Variants in HEMK2 observed in about 807,000 individuals in gnomAD.
HEMK2 encodes methyltransferase HEMK2.
the HEMK2 span, among the ~76,000 whole-genome samples, chr21:28,612,583 A>G: frequency 5.9e-5 from 9 of 152,304 alleles, no homozygotes; most frequent in African/African-American, 2.2e-4. Context: ...TCCTAGCCAG[A>G]GCAATCAGAC....
the HEMK2 span, among the ~76,000 whole-genome samples, chr21:28,721,099 T>C: frequency 1.3e-5 from 2 of 152,260 alleles, no homozygotes; most frequent in African/African-American, 4.8e-5. Context: ...CACAGTATGA[T>C]AAAAATAATG....
the HEMK2 span, among the ~76,000 whole-genome samples, chr21:28,637,629 G>A: frequency 1.3e-5 from 2 of 152,074 alleles, no homozygotes; most frequent in African/African-American, 4.8e-5. Flanking sequence ...TAAATGTTGA[G>A]ACTTGAGCAG....
the HEMK2 span, chr21:28,885,336 C>T: frequency 6.3e-7 from 1 of 1,576,982 alleles, no homozygotes; most frequent in Non-Finnish European, 8.7e-7. Context: ...GCGAAGTTCT[C>T]CCCTGCCATA....
the HEMK2 span, among the ~76,000 whole-genome samples, chr21:28,741,578 G>A: frequency 1.1e-4 from 17 of 152,108 alleles, no homozygotes; most frequent in East Asian, 2.7e-3. Context: ...AGGCCCCAGC[G>A]GGTGTTGTTC....
the HEMK2 span, among the ~76,000 whole-genome samples, chr21:28,599,186 A>G: frequency 6.6e-6 from 1 of 152,252 alleles, no homozygotes. Context: ...AGTGAAATAA[A>G]TGAATATCAA....
At chr21:28,802,579 A>T in the HEMK2 span, among the ~76,000 whole-genome samples, 2 of 151,940 alleles carry the variant, frequency 1.3e-5, no homozygotes, top group African/African-American at 4.8e-5. Context: ...AAAAACACAA[A>T]AATTAGCTGG....
At chr21:28,744,860 C>T in the HEMK2 span, among the ~76,000 whole-genome samples, 1 of 151,930 alleles carries the variant, frequency 6.6e-6, no homozygotes, top group Non-Finnish European at 1.5e-5. Flanking sequence ...AAATTAAAAA[C>T]AGTAAATTAT....
At chr21:28,754,979 G>C in the HEMK2 span, among the ~76,000 whole-genome samples, 4 of 152,290 alleles carry the variant, frequency 2.6e-5, no homozygotes, top group South Asian at 4.1e-4. Flanking sequence ...AACTGGCAAA[G>C]GCTTCTTGAG....
chr21:28,764,819 A>G, the HEMK2 span, among the ~76,000 whole-genome samples: 1 of 152,180 alleles, frequency 6.6e-6, no homozygotes, highest in Non-Finnish European at 1.5e-5. Context: ...TCAGCAAATC[A>G]TAAATGTATA....
the HEMK2 span, among the ~76,000 whole-genome samples, chr21:28,880,928 TAAAAAAAAAAAAAA>T: frequency 9.6e-6 from 1 of 104,462 alleles, no homozygotes; most frequent in Non-Finnish European, 1.7e-5. Context: ...ATCATTTATT[TAAAAAAAAAAAAAA>T]AAAAAAAAAA....
the HEMK2 span, chr21:28,876,490 T>C: frequency 1.3e-6 from 2 of 1,599,426 alleles, no homozygotes; most frequent in Non-Finnish European, 1.7e-6. Flanking sequence ...TCAAAATTTC[T>C]TCTAAAATAA....
the HEMK2 span, among the ~76,000 whole-genome samples, chr21:28,748,674 C>A: frequency 6.6e-6 from 1 of 152,204 alleles, no homozygotes; most frequent in African/African-American, 2.4e-5. Flanking sequence ...AATAAATATT[C>A]CATCTTCTGG....
chr21:28,862,359 G>GTACCAGCTACGACCATGTGA, the HEMK2 span, among the ~76,000 whole-genome samples: 2 of 121,150 alleles, frequency 1.7e-5, no homozygotes, highest in African/African-American at 4.1e-5. Flanking sequence ...GAAAGTAGTC[G>GTACCAGCTACGACCATGTGA]CCGGGCGCGG....
chr21:28,803,525 C>G, the HEMK2 span, among the ~76,000 whole-genome samples: 4 of 152,152 alleles, frequency 2.6e-5, no homozygotes, highest in Non-Finnish European at 5.9e-5. Flanking sequence ...CCAGAAAGTA[C>G]TGAAAGAAAC....
chr21:28,620,590 T>C, the HEMK2 span, among the ~76,000 whole-genome samples: 1 of 151,658 alleles, frequency 6.6e-6, no homozygotes, highest in Non-Finnish European at 1.5e-5. Flanking sequence ...GTAGCTTGTA[T>C]TTCTGTGGGA....
the HEMK2 span, among the ~76,000 whole-genome samples, chr21:28,625,479 G>A: frequency 2.0e-5 from 3 of 152,054 alleles, no homozygotes; most frequent in Non-Finnish European, 4.4e-5. Flanking sequence ...CCAGCACTTC[G>A]GGAGGCCAAG....
At chr21:28,734,312 T>A in the HEMK2 span, among the ~76,000 whole-genome samples, 1 of 152,236 alleles carries the variant, frequency 6.6e-6, no homozygotes, top group African/African-American at 2.4e-5. Flanking sequence ...TCTGACAGCA[T>A]GAGTACACCA....
chr21:28,838,975 ATATATATAT>A, the HEMK2 span, among the ~76,000 whole-genome samples: 9 of 30,724 alleles, frequency 2.9e-4, no homozygotes, highest in Non-Finnish European at 4.6e-4. Context: ...AAAAAAAAAT[ATATATATAT>A]ATATATATAT....
At chr21:28,660,719 T>G in the HEMK2 span, among the ~76,000 whole-genome samples, 2 of 152,014 alleles carry the variant, frequency 1.3e-5, no homozygotes, top group Non-Finnish European at 2.9e-5. Context: ...TTTCTTCCTT[T>G]GTCTGGTTTT....
Sources: allele counts gnomAD v4.1 joint callset (sites outside exome capture counted in the v4.1 genomes callset), GRCh38; gene constraint gnomAD v4.1.1; transcripts MANE v1.5; gene names NCBI Gene and HGNC (gene_info 2026-07-23, HGNC 2026-07-21).